The following ARNT2 variants were observed in gnomAD, a reference collection of about 807,000 sequenced individuals.
ARNT2 encodes the protein aryl hydrocarbon receptor nuclear translocator 2, also known as ARNT protein 2.
In ARNT2, 36 loss-of-function variants were observed where a neutral mutation model predicts 91.7. That is an observed-to-expected ratio of 0.39 (90% confidence interval 0.30 to 0.52). ARNT2 has a LOEUF of 0.52. ARNT2 is among the 20% of genes least tolerant of loss of function. The pLI, the probability that ARNT2 is intolerant of heterozygous loss-of-function variation, is 0.72. For synonymous variants in ARNT2, 365 were observed against 347.1 expected (o/e 1.05, Z -0.57); for missense variants, 775 against 939.3 (o/e 0.83, Z 2.29).
chr15:80,495,503 C>T (rs759550639), intron 5 of ARNT2, among the ~76,000 whole-genome samples: 12 of 152,156 alleles, frequency 7.9e-5, no homozygotes, highest in South Asian at 4.1e-4. Context: ...TAGGCAGTTC[C>T]GGGAGGTAGA....
chr15:80,460,521 C>G (rs1398873484), intron 3 of ARNT2, among the ~76,000 whole-genome samples: 1 of 152,228 alleles, frequency 6.6e-6, no homozygotes, highest in Non-Finnish European at 1.5e-5. Context: ...CATAAATGTT[C>G]TCAGGCCCGC....
chr15:80,412,626 T>C (rs1895700799), intron 1 of ARNT2, among the ~76,000 whole-genome samples: 1 of 152,248 alleles, frequency 6.6e-6, no homozygotes, highest in African/African-American at 2.4e-5. Flanking sequence ...GCATATATTC[T>C]GTTTATGGCT....
chr15:80,520,249 A>C (rs1897518993), intron 8 of ARNT2, among the ~76,000 whole-genome samples: 2 of 152,186 alleles, frequency 1.3e-5, no homozygotes. Flanking sequence ...ATGTAGACTC[A>C]AGAGTCATCA....
intron 8 of ARNT2, among the ~76,000 whole-genome samples, chr15:80,541,407 G>A (rs547910523): frequency 6.6e-6 from 1 of 152,150 alleles, no homozygotes; most frequent in East Asian, 1.9e-4. Flanking sequence ...TAGTTGCATG[G>A]TTTGCAAATA....
chr15:80,543,417 G>A (rs1897943546), intron 8 of ARNT2, among the ~76,000 whole-genome samples: 1 of 152,190 alleles, frequency 6.6e-6, no homozygotes, highest in African/African-American at 2.4e-5. Context: ...GGGCACTTCT[G>A]TATGAGCTCA....
chr15:80,592,305 G>A (rs758331469), intron 18 of ARNT2, among the ~76,000 whole-genome samples: 1 of 152,226 alleles, frequency 6.6e-6, no homozygotes, highest in African/African-American at 2.4e-5. Flanking sequence ...CCACAGAGCA[G>A]GCCCCTGCCC....
At chr15:80,586,884 G>A (rs992852387) in intron 17 of ARNT2, among the ~76,000 whole-genome samples, 3 of 151,744 alleles carry the variant, frequency 2.0e-5, no homozygotes, top group Non-Finnish European at 4.4e-5. Flanking sequence ...AATATCTGGA[G>A]TGAGAAACGA....
In ARNT2 at chr15:80,485,974, G is replaced by A. The variant is rs574733730; in HGVS notation, c.622+10751G>A. ...AACAATGGGAATGTGTTATCTTGCC[G>A]TTCTGGAGGTCAGAAGTCCAAAATC... On this transcript the variant is annotated intron_variant, in intron 5 of 18. Transcript: ENST00000303329. Among the ~76,000 whole-genome samples, 15 of 152,312 alleles carry A rather than the reference G, an allele frequency of 9.8e-5. No homozygotes were observed. The East Asian group carries it at 1.4e-3, about 14-fold the overall frequency.
intron 8 of ARNT2, among the ~76,000 whole-genome samples, chr15:80,535,476 A>T (rs1897805892): frequency 6.6e-6 from 1 of 152,166 alleles, no homozygotes; most frequent in African/African-American, 2.4e-5. Flanking sequence ...GACATATTTT[A>T]AATTAGATTT....
intron 5 of ARNT2, among the ~76,000 whole-genome samples, chr15:80,479,464 A>G (rs1896854084): frequency 6.6e-6 from 1 of 152,156 alleles, no homozygotes. Context: ...CCATACAACA[A>G]TGACACTGCT....
intron 18 of ARNT2, among the ~76,000 whole-genome samples, chr15:80,592,011 G>A (rs573589485): frequency 7.2e-5 from 11 of 152,114 alleles, no homozygotes; most frequent in Non-Finnish European, 1.5e-4. Flanking sequence ...AGGCCAAAGG[G>A]GGTCTCTCCT....
intron 1 of ARNT2, 146 bp from the exon 2 acceptor site, chr15:80,450,734 A>G (rs2141380439): frequency 1.3e-6 from 1 of 773,984 alleles, no homozygotes; most frequent in East Asian, 2.5e-5. Context: ...CCCCAGCCAC[A>G]TAGCTGATGA....
chr15:80,406,669 C>T (rs963811804), intron 1 of ARNT2, among the ~76,000 whole-genome samples: 6 of 152,268 alleles, frequency 3.9e-5, no homozygotes, highest in Non-Finnish European at 7.4e-5. Context: ...CCTTGGACTG[C>T]GGGAGACTTG....
chr15:80,426,892 C>T (rs1348356500), intron 1 of ARNT2, among the ~76,000 whole-genome samples: 1 of 152,162 alleles, frequency 6.6e-6, no homozygotes, highest in Non-Finnish European at 1.5e-5. Context: ...CGGACAGCCA[C>T]CTTCTTCCTA....
At chr15:80,424,447 G>A (rs907451967) in intron 1 of ARNT2, among the ~76,000 whole-genome samples, 2 of 152,138 alleles carry the variant, frequency 1.3e-5, no homozygotes, top group Admixed American at 6.6e-5. Flanking sequence ...CAAGATGTTC[G>A]GAGGCTGGCC....
chr15:80,422,807 TATTC>T (rs1184980053), intron 1 of ARNT2, among the ~76,000 whole-genome samples: 3 of 152,210 alleles, frequency 2.0e-5, no homozygotes, highest in Admixed American at 2.0e-4. Flanking sequence ...CATGTGATAT[TATTC>T]ATATTAAATA....
At chr15:80,480,607 G>A (rs529225032) in intron 5 of ARNT2, among the ~76,000 whole-genome samples, 1 of 152,268 alleles carries the variant, frequency 6.6e-6, no homozygotes, top group South Asian at 2.1e-4. Context: ...TACTTCCATG[G>A]CTCTGTTTCT....
At chr15:80,415,297 A>G (rs1895761939) in intron 1 of ARNT2, among the ~76,000 whole-genome samples, 1 of 152,262 alleles carries the variant, frequency 6.6e-6, no homozygotes, top group East Asian at 1.9e-4. Context: ...AATTATTTTA[A>G]TTGCTTATCC....
intron 1 of ARNT2, among the ~76,000 whole-genome samples, chr15:80,408,724 G>A (rs539873678): frequency 5.5e-4 from 83 of 152,092 alleles, no homozygotes; most frequent in African/African-American, 1.8e-3. Flanking sequence ...GAATCTACGA[G>A]CCCATCAGTT....
Sources: gnomAD v4.1 joint callset for allele counts (sites outside exome capture counted in the v4.1 genomes callset) on GRCh38, gnomAD v4.1.1 for gene constraint, MANE v1.5 for transcripts, NCBI Gene and HGNC (gene_info 2026-07-23, HGNC 2026-07-21) for gene names.